CNTNAP2: variants seen among roughly 807,000 people sequenced by gnomAD.
CNTNAP2 encodes the protein contactin associated protein 2.
Under a neutral mutation model 155.2 loss-of-function variants are expected in CNTNAP2, and 98 were observed. That is an observed-to-expected ratio of 0.63 (90% CI 0.54 to 0.75). The LOEUF is 0.75. Ranked by LOEUF, CNTNAP2 falls within the 30% of genes least tolerant of loss-of-function variation. CNTNAP2 has a pLI of 0.00. For synonymous variants in CNTNAP2, 651 were observed against 631.2 expected, an observed-to-expected ratio of 1.03 and a Z score of -0.47; for missense variants, 1,727 against 1,688.1, an observed-to-expected ratio of 1.02 and a Z score of -0.40.
intron 15 of CNTNAP2, among the ~76,000 whole-genome samples, chr7:148,066,126 C>T (rs1486922413): frequency 6.6e-6 from 1 of 152,168 alleles, no homozygotes; most frequent in Non-Finnish European, 1.5e-5. Context: ...TCCTATCTGG[C>T]TTGTAGGGTT....
intron 1 of CNTNAP2, among the ~76,000 whole-genome samples, chr7:146,495,971 G>A (rs924522391): frequency 5.9e-5 from 9 of 152,124 alleles, no homozygotes; most frequent in African/African-American, 1.4e-4. Flanking sequence ...GGATTAGGAC[G>A]GATTGTGGAG....
At chr7:148,337,144 C>T (rs1337086535) in intron 21 of CNTNAP2, among the ~76,000 whole-genome samples, 2 of 152,158 alleles carry the variant, frequency 1.3e-5, no homozygotes, top group Non-Finnish European at 2.9e-5. Context: ...GGACACTTCA[C>T]ATTTCCCCCC....
intron 1 of CNTNAP2, among the ~76,000 whole-genome samples, chr7:146,191,418 T>C (rs934956949): frequency 6.6e-6 from 1 of 152,130 alleles, no homozygotes; most frequent in Non-Finnish European, 1.5e-5. Context: ...CAGAGGACCG[T>C]GGTGAAATTA....
chr7:147,225,765 A>C (rs2116604900), intron 8 of CNTNAP2, among the ~76,000 whole-genome samples: 1 of 137,418 alleles, frequency 7.3e-6, no homozygotes, highest in Admixed American at 7.2e-5. Flanking sequence ...GAAGGAAGGA[A>C]GGAAGGAAGG....
chr7:146,897,496 C>T (rs896289509), intron 3 of CNTNAP2, among the ~76,000 whole-genome samples: 5 of 152,014 alleles, frequency 3.3e-5, no homozygotes, highest in African/African-American at 4.8e-5. Flanking sequence ...GCCACCAGCT[C>T]GAGACCTACG....
At chr7:147,173,559 A>C (rs1395967162) in intron 8 of CNTNAP2, among the ~76,000 whole-genome samples, 1 of 152,156 alleles carries the variant, frequency 6.6e-6, no homozygotes, top group African/African-American at 2.4e-5. Flanking sequence ...TGGCATAGAC[A>C]CCTGTTAGTA....
In CNTNAP2 at chr7:146,525,146, T is replaced by C. The variant is rs1283903657; in HGVS notation, c.98-249125T>C. 3.7e-4 allele frequency among the ~76,000 whole-genome samples: 56 copies of C among 152,174 alleles called. 1 individual carries two copies. Among genetic ancestry groups the C allele is most frequent in the Admixed American group, 3.7e-3 (56 of 15,254 alleles). ...ATCATGGTTAGGTAGATTATAATTT[T>C]ATTATTACTTGGTAAAATTGAATTG... On this transcript the variant is annotated intron_variant, in intron 1 of 23. Coordinates refer to ENST00000361727, the MANE Select transcript of CNTNAP2 (RefSeq NM_014141.6).
At chr7:146,720,485 C>T (rs917659476) in intron 1 of CNTNAP2, among the ~76,000 whole-genome samples, 1 of 152,086 alleles carries the variant, frequency 6.6e-6, no homozygotes, top group African/African-American at 2.4e-5. Flanking sequence ...AAATCAATTT[C>T]AGATGCCTAT....
At chr7:147,310,676 CAAAA>C (rs1795107295) in intron 9 of CNTNAP2, among the ~76,000 whole-genome samples, 1 of 151,814 alleles carries the variant, frequency 6.6e-6, no homozygotes, top group African/African-American at 2.4e-5. Context: ...TGTGCTTTAA[CAAAA>C]AGAAAAAGAA....
intron 13 of CNTNAP2, among the ~76,000 whole-genome samples, chr7:147,804,865 T>G (rs1798065381): frequency 6.6e-6 from 1 of 152,078 alleles, no homozygotes; most frequent in Non-Finnish European, 1.5e-5. Flanking sequence ...TGCTTCAGTT[T>G]TTAACCTCAC....
chr7:146,270,227 A>G (rs970816878), intron 1 of CNTNAP2, among the ~76,000 whole-genome samples: 1 of 152,200 alleles, frequency 6.6e-6, no homozygotes, highest in Non-Finnish European at 1.5e-5. Flanking sequence ...AGAATTTTGT[A>G]TAGAATTCTT....
intron 1 of CNTNAP2, among the ~76,000 whole-genome samples, chr7:146,157,346 T>C (rs1798142498): frequency 6.6e-6 from 1 of 152,074 alleles, no homozygotes; most frequent in Admixed American, 6.5e-5. Flanking sequence ...ACGCAGAAGA[T>C]GGGTGATTTC....
At chr7:148,184,161 G>A (rs1200869958) in intron 18 of CNTNAP2, among the ~76,000 whole-genome samples, 5 of 151,962 alleles carry the variant, frequency 3.3e-5, no homozygotes, top group East Asian at 1.9e-4. Flanking sequence ...AACCAGGCAC[G>A]GTGGCTCATG....
chr7:146,255,048 T>A (rs147894828), intron 1 of CNTNAP2, among the ~76,000 whole-genome samples: 2 of 151,988 alleles, frequency 1.3e-5, no homozygotes, highest in Non-Finnish European at 2.9e-5. Flanking sequence ...AGGGAGACTG[T>A]TAGTGTGGTG....
intron 13 of CNTNAP2, among the ~76,000 whole-genome samples, chr7:147,811,587 T>C (rs1413024774): frequency 6.6e-6 from 1 of 152,210 alleles, no homozygotes; most frequent in African/African-American, 2.4e-5. Context: ...AATTTTTAAA[T>C]AATCGTTACT....
At chr7:147,655,092 C>T (rs1170503635) in intron 13 of CNTNAP2, among the ~76,000 whole-genome samples, 1 of 151,364 alleles carries the variant, frequency 6.6e-6, no homozygotes, top group African/African-American at 2.4e-5. Flanking sequence ...GGATTACAGA[C>T]GTGAGCTACC....
At chr7:146,390,839 T>A (rs903801824) in intron 1 of CNTNAP2, among the ~76,000 whole-genome samples, 1 of 148,594 alleles carries the variant, frequency 6.7e-6, no homozygotes, top group Non-Finnish European at 1.5e-5. Flanking sequence ...GAGGCCGAGG[T>A]GGGCGGATCA....
rs997280366 is a variant in CNTNAP2 at position 147,452,248 on chromosome 7, C to T, written c.1671-33687C>T. ...AGACAGATAGACATTCAAACTTCCT[C>T]TGTCCAAGTCCTATACATGCCACTC... On this transcript the variant is annotated intron_variant, in intron 10 of 23. Coordinates refer to ENST00000361727, the MANE Select transcript of CNTNAP2 (RefSeq NM_014141.6). 4.6e-5 allele frequency among the ~76,000 whole-genome samples: 7 copies of T among 152,196 alleles called. No homozygotes were observed. The East Asian group carries it at 7.7e-4, about 17-fold the overall frequency.
At chr7:147,118,483 A>C (rs1258906519) in intron 5 of CNTNAP2, among the ~76,000 whole-genome samples, 1 of 152,210 alleles carries the variant, frequency 6.6e-6, no homozygotes, top group Non-Finnish European at 1.5e-5. Context: ...TGTAGGATAC[A>C]AAATGTATCA....
Sources: allele counts gnomAD v4.1 joint callset (sites outside exome capture counted in the v4.1 genomes callset), GRCh38; gene constraint gnomAD v4.1.1; transcripts MANE v1.5; gene names NCBI Gene and HGNC (gene_info 2026-07-23, HGNC 2026-07-21).